PDE10A: variants seen among roughly 807,000 people sequenced by gnomAD.
The protein encoded by PDE10A is phosphodiesterase 10A.
PDE10A carries 39 observed loss-of-function variants against 97.7 expected under a neutral mutation model. The observed-to-expected ratio is 0.40, with a 90% CI of 0.31 to 0.52. The LOEUF (loss-of-function observed/expected upper bound fraction) is 0.52, where lower values mean the gene tolerates loss of function less well. Ranked by LOEUF, PDE10A falls within the 20% of genes least tolerant of loss-of-function variation. The probability of loss-of-function intolerance (pLI) is 0.56; values close to 1 mark genes in which losing one functional copy is unlikely to be tolerated. For synonymous variants in PDE10A, 371 were observed against 376.8 expected (o/e 0.98, Z 0.18); for missense variants, 731 against 1,047.8 (o/e 0.70, Z 4.17).
intron 1 of PDE10A, among the ~76,000 whole-genome samples, chr6:165,896,759 C>T (rs1179871833): frequency 6.6e-6 from 1 of 152,004 alleles, no homozygotes; most frequent in Non-Finnish European, 1.5e-5. Context: ...CTCCTGACCT[C>T]GTGATCCACC....
At chr6:165,628,619 C>T (rs1275249986) in intron 1 of PDE10A, among the ~76,000 whole-genome samples, 1 of 152,160 alleles carries the variant, frequency 6.6e-6, no homozygotes, top group Non-Finnish European at 1.5e-5. Flanking sequence ...GCTGGCATTA[C>T]AGGCTTGAGC....
intron 1 of PDE10A, among the ~76,000 whole-genome samples, chr6:165,839,150 C>T (rs1449001084): frequency 1.3e-5 from 2 of 152,172 alleles, no homozygotes; most frequent in African/African-American, 2.4e-5. Flanking sequence ...CTAATGTGAC[C>T]CTGAATGAGT....
At chr6:165,398,294 C>T (rs1786338473) in intron 13 of PDE10A, among the ~76,000 whole-genome samples, 1 of 152,140 alleles carries the variant, frequency 6.6e-6, no homozygotes, top group Non-Finnish European at 1.5e-5. Context: ...GGCTGGCCAA[C>T]ATGGCGAAAC....
chr6:165,844,833 C>T (rs1780366545), intron 1 of PDE10A, among the ~76,000 whole-genome samples: 1 of 152,170 alleles, frequency 6.6e-6, no homozygotes. Context: ...ACAAACCCTG[C>T]CTGGGAGCTG....
intron 1 of PDE10A, among the ~76,000 whole-genome samples, chr6:165,750,003 C>T (rs1792960114): frequency 6.6e-6 from 1 of 152,150 alleles, no homozygotes. Context: ...TTGATACTTC[C>T]TGGTCCTCAC....
chr6:165,856,774 T>C (rs1361048705), intron 1 of PDE10A, among the ~76,000 whole-genome samples: 2 of 152,232 alleles, frequency 1.3e-5, no homozygotes, highest in Non-Finnish European at 2.9e-5. Context: ...CACTTCATGC[T>C]ACGTTCATAA....
intron 1 of PDE10A, among the ~76,000 whole-genome samples, chr6:165,669,542 G>A (rs1294914432): frequency 6.6e-6 from 1 of 152,200 alleles, no homozygotes; most frequent in Non-Finnish European, 1.5e-5. Flanking sequence ...TTGTTTCCAA[G>A]TACAGTCAAT....
intron 1 of PDE10A, among the ~76,000 whole-genome samples, chr6:165,691,188 CCTCTCTCTCTCT>C (rs1554306014): frequency 8.3e-4 from 7 of 8,406 alleles, no homozygotes; most frequent in Non-Finnish European, 1.8e-3. Flanking sequence ...TCTCTCTCTC[CCTCTCTCTCTCT>C]CCCCACACAC....
intron 3 of PDE10A, among the ~76,000 whole-genome samples, chr6:165,452,043 G>C (rs572890569): frequency 6.6e-6 from 1 of 152,178 alleles, no homozygotes; most frequent in African/African-American, 2.4e-5. Flanking sequence ...GACTAGTTTC[G>C]CAATCCCCTG....
At chr6:165,356,738 T>C (rs950496110) in intron 18 of PDE10A, among the ~76,000 whole-genome samples, 8 of 152,196 alleles carry the variant, frequency 5.3e-5, no homozygotes, top group African/African-American at 1.7e-4. Flanking sequence ...ACAAAAAATA[T>C]AATTGATTTT....
chr6:165,410,647 G>T (rs544295477), intron 13 of PDE10A, among the ~76,000 whole-genome samples: 1 of 152,132 alleles, frequency 6.6e-6, no homozygotes, highest in African/African-American at 2.4e-5. Flanking sequence ...CTGCAGACAG[G>T]ACCTTTCAAG....
chr6:165,733,342 G>A (rs1461766702), intron 1 of PDE10A, among the ~76,000 whole-genome samples: 1 of 152,198 alleles, frequency 6.6e-6, no homozygotes, highest in Non-Finnish European at 1.5e-5. Context: ...GGGCAAGGGG[G>A]AAGCCCCTTC....
At position 165,344,067 on chromosome 6, in the gene PDE10A, C is replaced by T. The variant is rs190269408; in HGVS notation, c.2784-565G>A. Among the ~76,000 whole-genome samples the T allele has an allele frequency of 1.5e-3, 227 of 152,234 alleles. 1 individual carries two copies. The highest frequency in any genetic ancestry group is 5.1e-3 in the African/African-American group (211 of 41,576). ...TGCAGCCTCCAAACACTGTGCTTCT[C>T]ATTAGCAGATATTTCTTTTCAACAC... is the stretch of plus-strand genomic sequence containing the variant. On this transcript the variant is annotated intron_variant, in intron 18 of 21. Coordinates refer to ENST00000539869, the MANE Select transcript of PDE10A (RefSeq NM_001385079.1).
chr6:165,518,668 CAACT>C (rs1426571436), intron 2 of PDE10A, among the ~76,000 whole-genome samples: 1 of 152,178 alleles, frequency 6.6e-6, no homozygotes. Context: ...TGAAAGTTCT[CAACT>C]TGATAAGGAA....
At chr6:165,473,270 C>T (rs554115834) in intron 3 of PDE10A, among the ~76,000 whole-genome samples, 3 of 152,244 alleles carry the variant, frequency 2.0e-5, no homozygotes, top group Admixed American at 6.5e-5. Context: ...TAGAAATAAA[C>T]ATTCCCAACT....
At chr6:165,538,829 T>C (rs971598791) in intron 2 of PDE10A, among the ~76,000 whole-genome samples, 1 of 152,206 alleles carries the variant, frequency 6.6e-6, no homozygotes, top group African/African-American at 2.4e-5. Flanking sequence ...TAATAATATA[T>C]ACTTTGTACA....
At chr6:165,528,456 T>C (rs565395389) in intron 2 of PDE10A, among the ~76,000 whole-genome samples, 2 of 152,264 alleles carry the variant, frequency 1.3e-5, no homozygotes, top group African/African-American at 4.8e-5. Flanking sequence ...ACACCAACAC[T>C]AAGCCCTCGA....
chr6:165,615,236 G>GA (rs1050260327), intron 1 of PDE10A, among the ~76,000 whole-genome samples: 10 of 149,772 alleles, frequency 6.7e-5, no homozygotes, highest in African/African-American at 2.0e-4. Context: ...AAGAAAGAAA[G>GA]AAAGAAAAGA....
At chr6:165,542,027 T>C (rs1257778069) in intron 2 of PDE10A, among the ~76,000 whole-genome samples, 2 of 152,196 alleles carry the variant, frequency 1.3e-5, no homozygotes, top group East Asian at 3.8e-4. Flanking sequence ...CAATTATACA[T>C]TTTTATTCAT....
Sources: allele counts gnomAD v4.1 joint callset (sites outside exome capture counted in the v4.1 genomes callset), GRCh38; gene constraint gnomAD v4.1.1; transcripts MANE v1.5; gene names NCBI Gene and HGNC (gene_info 2026-07-23, HGNC 2026-07-21).